ELMO1: variants seen among roughly 807,000 people sequenced by gnomAD.
ELMO1 encodes the protein engulfment and cell motility protein 1.
Under a neutral mutation model 98.9 loss-of-function variants are expected in ELMO1, and 26 were observed. The observed-to-expected ratio is 0.26, with a 90% confidence interval of 0.19 to 0.36. The LOEUF (loss-of-function observed/expected upper bound fraction) is 0.36, where lower values mean the gene tolerates loss of function less well. ELMO1 is among the 10% of genes least tolerant of loss of function. The pLI is 1.00. For synonymous variants in ELMO1, 346 were observed against 346.0 expected (o/e 1.00, Z 0.00); for missense variants, 627 against 935.2 (o/e 0.67, Z 4.30).
intron 1 of ELMO1, among the ~76,000 whole-genome samples, chr7:37,409,550 G>A (rs1464916287): frequency 2.0e-5 from 3 of 152,178 alleles, no homozygotes; most frequent in African/African-American, 7.2e-5. Context: ...TTGTAAGATG[G>A]TCACTCATAT....
At chr7:37,213,044 G>A (rs1793069093) in intron 12 of ELMO1, among the ~76,000 whole-genome samples, 1 of 152,148 alleles carries the variant, frequency 6.6e-6, no homozygotes, top group African/African-American at 2.4e-5. Flanking sequence ...ACTATTAAAT[G>A]TTACTTGGGG....
chr7:36,894,756 G>A, intron 17 of ELMO1, 98 bp downstream of exon 17: 3 of 1,479,776 alleles, frequency 2.0e-6, no homozygotes, highest in Non-Finnish European at 2.8e-6. Flanking sequence ...CCTTCCCTGA[G>A]GAGCTCACAA....
At chr7:37,164,070 G>C (rs1172838068) in intron 13 of ELMO1, among the ~76,000 whole-genome samples, 1 of 152,162 alleles carries the variant, frequency 6.6e-6, no homozygotes, top group African/African-American at 2.4e-5. Flanking sequence ...GTTTTGATTT[G>C]CATTTCTCTG....
Position 37,342,510 on chromosome 7 carries a change from G to T in ELMO1, c.78+103C>A. On this transcript the variant is annotated intron_variant, in intron 2 of 21. Transcript: ENST00000310758. This position sits in a 1 kb window ranked among gnomAD's most constrained non-coding sequence, Gnocchi z 4.3. ...ATTATTGCACAGATTTTTCAACACAGCTAGAGAGAGAAAGGGAGAAGAGTG... is the reference window on the plus strand; with the variant it reads ...ATTATTGCACAGATTTTTCAACACATCTAGAGAGAGAAAGGGAGAAGAGTG... The T allele has an allele frequency of 8.4e-7, 1 of 1,192,870 alleles. No individual in the cohort carries two copies. Among genetic ancestry groups the T allele is most frequent in the Non-Finnish European group, 1.2e-6 (1 of 800,192 alleles). The allele number at this position is 1,192,870 out of a possible 1,614,324, so 73.9% of individuals were successfully genotyped here.
At chr7:37,306,400 G>A (rs1469641784) in intron 4 of ELMO1, among the ~76,000 whole-genome samples, 2 of 152,182 alleles carry the variant, frequency 1.3e-5, no homozygotes, top group African/African-American at 2.4e-5. Flanking sequence ...TAAGAAAGGA[G>A]GTTGGACTTC....
chr7:37,444,951 C>A (rs935917710), intron 1 of ELMO1, among the ~76,000 whole-genome samples: 16 of 152,216 alleles, frequency 1.1e-4, no homozygotes, highest in African/African-American at 3.9e-4. Flanking sequence ...TCTTGTAGCC[C>A]TCTAGAACGT....
At chr7:37,401,630 GAGA>G (rs1398596969) in intron 1 of ELMO1, among the ~76,000 whole-genome samples, 35 of 152,194 alleles carry the variant, frequency 2.3e-4, no homozygotes, top group African/African-American at 8.0e-4. Flanking sequence ...CGGCATGAAG[GAGA>G]AGAATTCAGG....
chr7:37,269,064 T>C (rs1054114860), intron 5 of ELMO1, among the ~76,000 whole-genome samples: 8 of 152,272 alleles, frequency 5.3e-5, no homozygotes, highest in Admixed American at 5.2e-4. Context: ...CTGGCTTCTT[T>C]ATGGTACTCT....
At chr7:37,356,436 C>T (rs1435326979) in intron 1 of ELMO1, among the ~76,000 whole-genome samples, 2 of 152,130 alleles carry the variant, frequency 1.3e-5, no homozygotes, top group African/African-American at 4.8e-5. Context: ...AAAAGCATTC[C>T]TATTTCTCCA....
intron 20 of ELMO1, among the ~76,000 whole-genome samples, chr7:36,866,117 G>C (rs1054830718): frequency 3.9e-5 from 6 of 152,152 alleles, no homozygotes; most frequent in Admixed American, 3.3e-4. Context: ...GTTGACTGTT[G>C]ACCTAAAAGC....
At chr7:37,030,214 A>C (rs1259642295) in intron 15 of ELMO1, among the ~76,000 whole-genome samples, 1 of 152,242 alleles carries the variant, frequency 6.6e-6, no homozygotes, top group Non-Finnish European at 1.5e-5. Context: ...TTAAAGGAAG[A>C]AAAATACTGA....
chr7:36,891,970 T>C (rs901776828), intron 17 of ELMO1, among the ~76,000 whole-genome samples: 2 of 152,260 alleles, frequency 1.3e-5, no homozygotes, highest in Non-Finnish European at 2.9e-5. Flanking sequence ...GATGGACTTA[T>C]CTTCCTTGGT....
At chr7:37,085,009 A>G (rs878926586) in intron 15 of ELMO1, among the ~76,000 whole-genome samples, 23 of 152,144 alleles carry the variant, frequency 1.5e-4, no homozygotes, top group African/African-American at 4.8e-4. Context: ...TGCCCGCCTC[A>G]GCCTCCCAAA....
At chr7:37,414,957 T>C (rs1304564159) in intron 1 of ELMO1, among the ~76,000 whole-genome samples, 2 of 152,188 alleles carry the variant, frequency 1.3e-5, no homozygotes, top group African/African-American at 4.8e-5. Flanking sequence ...TCTTGAGAAA[T>C]ATCTAAAGCC....
chr7:37,178,472 G>A (rs560214767), intron 13 of ELMO1, among the ~76,000 whole-genome samples: 1 of 151,760 alleles, frequency 6.6e-6, no homozygotes, highest in East Asian at 1.9e-4. Flanking sequence ...CAGGCATGGT[G>A]GCGCCTGTAG....
chr7:36,984,274 G>A (rs1791328856), intron 16 of ELMO1, among the ~76,000 whole-genome samples: 1 of 152,214 alleles, frequency 6.6e-6, no homozygotes. Context: ...GCCATCTGGA[G>A]CCTCATGGGA....
intron 15 of ELMO1, among the ~76,000 whole-genome samples, chr7:37,070,477 T>C (rs115723146): frequency 5.6e-4 from 86 of 152,356 alleles, no homozygotes; most frequent in African/African-American, 2.0e-3. Context: ...CTTTCTTGAT[T>C]TCCGTTGGAA....
At position 37,211,465 on chromosome 7, in the gene ELMO1, G is replaced by A; in HGVS notation, c.1007C>T (p.Ser336Phe). 4 of 1,614,018 alleles carry A rather than the reference G, an allele frequency of 2.5e-6. No individual in the cohort carries two copies. The highest frequency in any genetic ancestry group is 2.5e-6 in the Non-Finnish European group (3 of 1,179,988). Residue 336 changes from serine to phenylalanine, a missense_variant, in exon 13 of 22, where the codon TCT (serine) becomes TTT (phenylalanine). Physicochemically the swap from Ser to Phe is radical, Grantham distance 155 (BLOSUM62 -2). This residue lies in a region of ELMO1 where 492 missense variants were observed against 715.6 expected (regional missense o/e 0.69). Transcript: ENST00000310758. ...ELRRIAFDAE[S>F]EPNNSSGSME... ...GCTGCCACTGCTGTTGTTAGGTTCA[G>A]ACTCAGCATCAAAAGCAATTCTTCG...
chr7:37,259,371 G>A, intron 5 of ELMO1, 21 bp from the exon 6 acceptor site: 1 of 1,606,728 alleles, frequency 6.2e-7, no homozygotes, highest in South Asian at 1.1e-5. Context: ...AAAAGCAAAG[G>A]GAAGAGTGTT....
Sources: gnomAD v4.1 joint callset for allele counts (sites outside exome capture counted in the v4.1 genomes callset) on GRCh38, gnomAD v4.1.1 for gene constraint, gnomAD v4.1.1 regional missense constraint, Gnocchi (gnomAD v3.1) non-coding constraint, MANE v1.5 for transcripts, NCBI Gene and HGNC (gene_info 2026-07-23, HGNC 2026-07-21) for gene names.